Variants in CYP46A1 observed in about 807,000 individuals in gnomAD.
The protein encoded by CYP46A1 is cholesterol 24-hydroxylase.
Under a neutral mutation model 63.3 loss-of-function variants are expected in CYP46A1, and 20 were observed. That is an observed-to-expected ratio of 0.32 (90% confidence interval 0.22 to 0.46). The LOEUF (loss-of-function observed/expected upper bound fraction) is 0.46, where lower values mean the gene tolerates loss of function less well. Among genes scored for constraint, CYP46A1 ranks in the 20% least tolerant of loss-of-function variants. The pLI is 1.00. For missense variants in CYP46A1, 445 were observed against 670.8 expected (o/e 0.66, Z 3.72); for synonymous variants, 268 against 273.6 (o/e 0.98, Z 0.20).
intron 5 of CYP46A1, among the ~76,000 whole-genome samples, chr14:99,700,363 T>TGG (rs1382386386): frequency 1.3e-5 from 2 of 152,134 alleles, no homozygotes; most frequent in Non-Finnish European, 2.9e-5. Flanking sequence ...GCCAGAAGCA[T>TGG]GGGGGTTCCT....
chr14:99,692,726 G>A (rs1233465112), intron 3 of CYP46A1, among the ~76,000 whole-genome samples: 2 of 146,874 alleles, frequency 1.4e-5, no homozygotes, highest in African/African-American at 2.5e-5. Context: ...GCTACCTGGG[G>A]GGCTGAGGCA....
rs899327944 is a variant in CYP46A1 at position 99,718,135 on chromosome 14, G to T, written c.980+9G>T. The T allele has an allele frequency of 1.2e-6, 2 of 1,613,216 alleles. No individual in the cohort carries two copies. The highest frequency in any genetic ancestry group is 1.7e-6 in the Non-Finnish European group (2 of 1,179,260). On this transcript the variant is annotated intron_variant, in intron 10 of 14. Transcript: ENST00000261835. ...CCAGAGATCGTGGCAAGGTATGGGG[G>T]CTGCTCTTGGGGCTGGCAAAGAGGT...
intron 7 of CYP46A1, chr14:99,709,029 C>A (rs1254768126): frequency 6.6e-6 from 1 of 152,150 alleles, no homozygotes; most frequent in African/African-American, 2.4e-5. Flanking sequence ...AAGCACCCTA[C>A]CCACCCAACA....
At chr14:99,707,209 T>C (rs2056685325) in intron 6 of CYP46A1, among the ~76,000 whole-genome samples, 1 of 152,176 alleles carries the variant, frequency 6.6e-6, no homozygotes, top group South Asian at 2.1e-4. Flanking sequence ...AACTGCAGTG[T>C]GGGGACAGTG....
intron 12 of CYP46A1, among the ~76,000 whole-genome samples, chr14:99,724,022 C>T (rs1373965603): frequency 6.6e-6 from 1 of 152,156 alleles, no homozygotes; most frequent in African/African-American, 2.4e-5. Flanking sequence ...AGGGCTCACT[C>T]CTTGGTGTGC....
At chr14:99,691,629 C>T in intron 2 of CYP46A1, 151 bp from the exon 3 acceptor site, 1 of 691,084 alleles carries the variant, frequency 1.4e-6, no homozygotes, top group Non-Finnish European at 2.5e-6. Context: ...GCCTTGCCCC[C>T]AGGGCTCCTG....
At chr14:99,723,229 G>A (rs561268992) in intron 12 of CYP46A1, 37 of 175,600 alleles carry the variant, frequency 2.1e-4, no homozygotes, top group Middle Eastern at 2.6e-3. Context: ...TCCCTTTTGG[G>A]GTAGTGTGTT....
chr14:99,686,810 T>C (rs1366718552), intron 1 of CYP46A1, among the ~76,000 whole-genome samples: 1 of 152,156 alleles, frequency 6.6e-6, no homozygotes, highest in Non-Finnish European at 1.5e-5. Context: ...CTATTTATTC[T>C]AAGGAGGTGA....
Position 99,707,639 on chromosome 14 carries a change from G to T in CYP46A1, c.654G>T (p.Met218Ile). ...QKPLSQAVKL[M>I]LEGITASRNT... ...CTCTGTCCCAGGCAGTGAAACTTAT[G>T]TTGGAGGGAATCACTGCGTCCCGCA... The change falls in exon 7 of 15, where the codon ATG becomes ATT. Residue 218 changes from methionine to isoleucine, a missense_variant. Met to Ile is a conservative substitution (Grantham distance 10). This residue lies in a region of CYP46A1 where 252 missense variants were observed against 383.3 expected (regional missense o/e 0.66). Coordinates refer to ENST00000261835, the MANE Select transcript of CYP46A1 (RefSeq NM_006668.2). 6.2e-7 allele frequency: 1 copy of T among 1,614,120 alleles called. No individual in the cohort carries two copies. The highest frequency in any genetic ancestry group is 1.1e-5 in the South Asian group (1 of 91,088).
In CYP46A1 at chr14:99,721,232, C is replaced by A; in HGVS notation, c.981-7C>A. ...GGAGACGAACTTGTCTTTGTCTTACCCCACAGGCTGCAGGCCGAGGTGGAT... is the reference window on the plus strand; with the variant it reads ...GGAGACGAACTTGTCTTTGTCTTACACCACAGGCTGCAGGCCGAGGTGGAT... On this transcript the variant is annotated splice_polypyrimidine_tract_variant and splice_region_variant and intron_variant, in intron 10 of 14. Transcript: ENST00000261835. 6.2e-7 allele frequency: 1 copy of A among 1,612,768 alleles called. No homozygotes were observed. Among genetic ancestry groups the A allele is most frequent in the South Asian group, 1.1e-5 (1 of 91,048 alleles).
At position 99,703,569 on chromosome 14, in the gene CYP46A1, G is replaced by C. The variant is rs1041879089; in HGVS notation, c.444-3078G>C. 4.1e-6 allele frequency: 4 copies of C among 985,060 alleles called. No individual in the cohort carries two copies. In the African/African-American group the frequency reaches 7.0e-5, roughly 17 times the overall value. 61.0% of individuals were successfully genotyped at this position (985,060 alleles called of 1,614,324 possible). A position where few individuals can be genotyped will look rare whatever the true frequency, so the allele number is the denominator to read the frequency against. ...CTGTGCTTTTTCTGGCATCTCTGCTGTTCCCACTGCCTCAATGTGAACCTC... is the reference window on the plus strand; with the variant it reads ...CTGTGCTTTTTCTGGCATCTCTGCTCTTCCCACTGCCTCAATGTGAACCTC... On this transcript the variant is annotated intron_variant, in intron 5 of 14. Transcript: ENST00000261835.
At chr14:99,691,693 G>A (rs2056544730) in intron 2 of CYP46A1, 87 bp from the exon 3 acceptor site, 1 of 1,294,794 alleles carries the variant, frequency 7.7e-7, no homozygotes, top group Non-Finnish European at 1.1e-6. Flanking sequence ...TCTGGGACGG[G>A]AAACATCGGT....
intron 2 of CYP46A1, 100 bp from the exon 3 acceptor site, chr14:99,691,680 C>A (rs2056544590): frequency 2.6e-6 from 3 of 1,142,850 alleles, no homozygotes; most frequent in Non-Finnish European, 4.0e-6. Context: ...GCATTGAGCA[C>A]CTTCTGGGAC....
At position 99,725,501 on chromosome 14, in the gene CYP46A1, C is replaced by T; in HGVS notation, c.1265+22C>T. 1 of 1,587,136 alleles carries T rather than the reference C, an allele frequency of 6.3e-7. No homozygotes were observed. Among genetic ancestry groups the T allele is most frequent in the Non-Finnish European group, 8.7e-7 (1 of 1,155,510 alleles). On this transcript the variant is annotated intron_variant, in intron 13 of 14. Transcript: ENST00000261835. This position sits in a 1 kb window ranked among gnomAD's most constrained non-coding sequence, Gnocchi z 4.2. The stretch of plus-strand genomic sequence containing the variant: ...CCAAGTAAGTCCCTCCTGGAGCTGC[C>T]CATGAGTGGGGCTGGCGGGAGAAGG...
chr14:99,711,322 A>T (rs1041371194), intron 7 of CYP46A1: 6 of 152,070 alleles, frequency 3.9e-5, no homozygotes, highest in African/African-American at 1.4e-4. Flanking sequence ...TAAAGGAACT[A>T]AAGACTAAAA....
chr14:99,688,521 G>A lies in CYP46A1; in HGVS notation c.120-2560G>A, dbSNP rs145738970. Among the ~76,000 whole-genome samples the A allele has an allele frequency of 6.1e-3, 932 of 152,248 alleles. 6 individuals carry two copies. Among genetic ancestry groups the A allele is most frequent in the Non-Finnish European group, 9.8e-3 (667 of 68,008 alleles). On this transcript the variant is annotated intron_variant, in intron 1 of 14. Coordinates refer to ENST00000261835, the MANE Select transcript of CYP46A1 (RefSeq NM_006668.2). ...CGCACACCTTCCAGCTGTTCCGGGA[G>A]GGTAGCCCAGGCCAACCTGCCCCCT... is the stretch of plus-strand genomic sequence containing the variant.
At chr14:99,685,936 CA>C (rs1240670933) in intron 1 of CYP46A1, among the ~76,000 whole-genome samples, 2 of 152,100 alleles carry the variant, frequency 1.3e-5, no homozygotes, top group East Asian at 3.9e-4. Context: ...CCTGCTCCCC[CA>C]AAAATATTAT....
intron 7 of CYP46A1, among the ~76,000 whole-genome samples, chr14:99,714,393 A>T (rs1013822128): frequency 6.6e-6 from 1 of 152,218 alleles, no homozygotes; most frequent in African/African-American, 2.4e-5. Context: ...AAATCAGTAT[A>T]TCAAAGGAAC....
At chr14:99,702,044 T>A (rs1462611646) in intron 5 of CYP46A1, among the ~76,000 whole-genome samples, 2 of 126,182 alleles carry the variant, frequency 1.6e-5, no homozygotes, top group Non-Finnish European at 3.1e-5. Flanking sequence ...CACTCCAGCC[T>A]GGGTGACAGA....
Sources: allele counts gnomAD v4.1 joint callset (sites outside exome capture counted in the v4.1 genomes callset), GRCh38; gene constraint gnomAD v4.1.1; regional missense constraint gnomAD v4.1.1; non-coding constraint Gnocchi (gnomAD v3.1); transcripts MANE v1.5; gene names NCBI Gene and HGNC (gene_info 2026-07-23, HGNC 2026-07-21).